The following FOXN3 variants were observed in gnomAD, a reference collection of about 807,000 sequenced individuals.
FOXN3 encodes forkhead box N3, also known as forkhead box protein N3.
FOXN3 carries 7 observed loss-of-function variants against 38.4 expected under a neutral mutation model. That is an observed-to-expected ratio of 0.18 (90% confidence interval 0.10 to 0.34). The LOEUF (loss-of-function observed/expected upper bound fraction) is 0.34, where lower values mean the gene tolerates loss of function less well. Ranked by LOEUF, FOXN3 falls within the 10% of genes least tolerant of loss-of-function variation. The pLI is 1.00. For missense variants in FOXN3, 456 were observed against 613.4 expected, an observed-to-expected ratio of 0.74 and a Z score of 2.71; for synonymous variants, 230 against 242.2, an observed-to-expected ratio of 0.95 and a Z score of 0.47.
intron 4 of FOXN3, among the ~76,000 whole-genome samples, chr14:89,248,022 A>G (rs1489097840): frequency 2.0e-5 from 3 of 152,138 alleles, no homozygotes; most frequent in East Asian, 1.9e-4. Flanking sequence ...TTTGGAATCG[A>G]TATCAATTCT....
Position 89,324,443 on chromosome 14 carries a change from C to CGTGTGT in FOXN3, c.680+26223_680+26228dup, listed in dbSNP as rs71130053. On this transcript the variant is annotated intron_variant, in intron 3 of 5. Transcript: ENST00000557258. The stretch of plus-strand genomic sequence containing the variant: ...TTGGTTTGAAACAGCTAAGTGTGTG[C>CGTGTGT]GTGTGTGTGTGTGTGTGTGTGTGTG... Among the ~76,000 whole-genome samples, 792 of 143,474 alleles carry CGTGTGT rather than the reference C, an allele frequency of 5.5e-3. 8 individuals carry two copies. Among genetic ancestry groups the CGTGTGT allele is most frequent in the East Asian group, 0.022 (106 of 4,796 alleles). 94.1% of individuals were successfully genotyped at this position (143,474 alleles called of 152,430 possible).
Position 89,162,609 on chromosome 14 carries a change from C to T in FOXN3, c.1212G>A (p.Lys404=), listed in dbSNP as rs754344725. 3.1e-6 allele frequency: 5 copies of T among 1,614,018 alleles called. No individual in the cohort carries two copies. The Admixed American group carries it at 6.7e-5, about 22-fold the overall frequency. ...GTGTGTCGCTGGGGACCTTCCTGGCCTTGGCGAAGTGCTGGCGCTTCTTGT... is the reference window on the plus strand; with the variant it reads ...GTGTGTCGCTGGGGACCTTCCTGGCTTTGGCGAAGTGCTGGCGCTTCTTGT... The part of the protein sequence containing the change: ...SQHKKRQHFA[K]ARKVPSDTLP... The change falls in exon 6 of 6, where the codon AAG becomes AAA. Residue 404 remains lysine, a synonymous_variant. Transcript: ENST00000557258. This position sits in a 1 kb window ranked among gnomAD's most constrained non-coding sequence, Gnocchi z 7.2.
intron 2 of FOXN3, among the ~76,000 whole-genome samples, chr14:89,351,636 G>A (rs374059119): frequency 4.6e-5 from 7 of 152,318 alleles, no homozygotes; most frequent in African/African-American, 1.2e-4. Flanking sequence ...GCAGCAGGCC[G>A]ACGGGCAATC....
chr14:89,511,194 CTTTCTTTCTTTTCTTT>C (rs1566681016), intron 1 of FOXN3, among the ~76,000 whole-genome samples: 1 of 12,632 alleles, frequency 7.9e-5, no homozygotes, highest in Non-Finnish European at 4.3e-4. Flanking sequence ...TCTTTCTTTT[CTTTCTTTCTTTTCTTT>C]CTTTCTTTCT....
In FOXN3 at chr14:89,528,410, G is replaced by GCAAAAAAAAAAAAAAAA. The variant is rs1894478634; in HGVS notation, c.-15+90617_-15+90618insTTTTTTTTTTTTTTTTG. On this transcript the variant is annotated intron_variant, in intron 1 of 6. Transcript: ENST00000345097. ...TTTTTTTTTTTTTTTTTTTTTTTTT[G>GCAAAAAAAAAAAAAAAA]AAAAAGAAAGAGTTTTGCTCTTGTT... Among the ~76,000 whole-genome samples, 4 of 31,488 alleles carry GCAAAAAAAAAAAAAAAA rather than the reference G, an allele frequency of 1.3e-4. No homozygotes were observed. In the Admixed American group the frequency reaches 1.6e-3, roughly 12 times the overall value. The allele number at this position is 31,488 out of a possible 152,430, so 20.7% of individuals were successfully genotyped here.
Position 89,450,577 on chromosome 14 carries a change from G to A in FOXN3, c.-14-38087C>T, listed in dbSNP as rs1032408468. On this transcript the variant is annotated intron_variant, in intron 1 of 6. Transcript: ENST00000345097. Reference sequence around the variant, plus strand: ...CAGCTCAGAAAAAAATAACATTCTCGACTTCATCTTTCCTTTTTTTTTTTT... The same window carrying A: ...CAGCTCAGAAAAAAATAACATTCTCAACTTCATCTTTCCTTTTTTTTTTTT... 2.8e-5 allele frequency among the ~76,000 whole-genome samples: 4 copies of A among 144,134 alleles called. No homozygotes were observed. The South Asian group carries it at 8.9e-4, about 32-fold the overall frequency. The allele number at this position is 144,134 out of a possible 152,430, so 94.6% of individuals were successfully genotyped here.
intron 1 of FOXN3, among the ~76,000 whole-genome samples, chr14:89,482,329 G>C (rs969114686): frequency 5.9e-5 from 9 of 152,214 alleles, no homozygotes; most frequent in Admixed American, 3.9e-4. Context: ...GCACTGAAGA[G>C]TGTGTGTGCA....
In FOXN3 at chr14:89,158,861, T is replaced by C; in HGVS notation, c.*3553A>G. On this transcript the variant is annotated 3_prime_UTR_variant, in exon 6 of 6. Coordinates refer to ENST00000557258, the MANE Select transcript of FOXN3 (RefSeq NM_005197.4). ...TTTAAATATTGCTATAGTTCCCCGT[T>C]TCCCCCTCCCCCCTGCCCCGTGTGA... is the stretch of plus-strand genomic sequence containing the variant. 1 of 152,452 alleles carries C rather than the reference T, an allele frequency of 6.6e-6. No individual in the cohort carries two copies. The highest frequency in any genetic ancestry group is 3.2e-3 in the Middle Eastern group (1 of 316). 9.4% of individuals were successfully genotyped at this position (152,452 alleles called of 1,614,324 possible).
At chr14:89,433,673 A>C (rs1034061317) in intron 1 of FOXN3, among the ~76,000 whole-genome samples, 24 of 151,384 alleles carry the variant, frequency 1.6e-4, no homozygotes, top group Non-Finnish European at 3.2e-4. Context: ...GCGTGGTGGC[A>C]GGCGCCTGTA....
At chr14:89,286,983 G>A (rs143204478) in intron 3 of FOXN3, among the ~76,000 whole-genome samples, 2,025 of 152,220 alleles carry the variant, frequency 0.013, 48 homozygotes, top group African/African-American at 0.046. Flanking sequence ...TGGAGAGACC[G>A]TGGGATTTGG....
intron 4 of FOXN3, among the ~76,000 whole-genome samples, chr14:89,258,561 C>A (rs376010513): frequency 1.3e-5 from 2 of 152,214 alleles, no homozygotes; most frequent in Admixed American, 1.3e-4. Flanking sequence ...CCACCTGGAC[C>A]ACCTACATCT....
At chr14:89,216,441 C>A (rs1222247938) in intron 4 of FOXN3, among the ~76,000 whole-genome samples, 1 of 152,148 alleles carries the variant, frequency 6.6e-6, no homozygotes, top group East Asian at 1.9e-4. Context: ...AAGCCACTCT[C>A]CCACAACCTA....
rs556107052 is a variant in FOXN3, at chr14:89,239,282, T to C, written c.745+41668A>G. On this transcript the variant is annotated intron_variant, in intron 4 of 5. Coordinates refer to ENST00000557258, the MANE Select transcript of FOXN3 (RefSeq NM_005197.4). The stretch of plus-strand genomic sequence containing the variant: ...TCCCATCTCTTCTTTGGAAGTCTTA[T>C]TTCAGCCATCCATCTTCCTTTGTTA... Among the ~76,000 whole-genome samples, 28 of 152,338 alleles carry C rather than the reference T, an allele frequency of 1.8e-4. No homozygotes were observed. In the East Asian group the frequency reaches 5.2e-3, roughly 28 times the overall value.
intron 4 of FOXN3, among the ~76,000 whole-genome samples, chr14:89,233,502 A>G (rs1053406464): frequency 2.0e-5 from 3 of 152,238 alleles, no homozygotes; most frequent in Non-Finnish European, 4.4e-5. Flanking sequence ...CTAAGTATCT[A>G]TGAATTTTTA....
At chr14:89,235,793 C>T (rs373652998) in intron 4 of FOXN3, among the ~76,000 whole-genome samples, 3 of 140,246 alleles carry the variant, frequency 2.1e-5, no homozygotes, top group African/African-American at 9.9e-5. Context: ...GGCCACAAGT[C>T]GAGGAATGCA....
At chr14:89,396,832 CAA>C (rs11307508) in intron 2 of FOXN3, among the ~76,000 whole-genome samples, 59 of 96,918 alleles carry the variant, frequency 6.1e-4, no homozygotes, top group South Asian at 1.4e-3. Flanking sequence ...AACTCCATCT[CAA>C]AAAAAAAAAA....
At chr14:89,459,971 AGCT>A (rs1258417208) in intron 1 of FOXN3, among the ~76,000 whole-genome samples, 1 of 152,200 alleles carries the variant, frequency 6.6e-6, no homozygotes. Context: ...TCTGCCCGAC[AGCT>A]GCTAAGGAAT....
intron 1 of FOXN3, among the ~76,000 whole-genome samples, chr14:89,425,028 C>G (rs1891991946): frequency 7.1e-6 from 1 of 141,176 alleles, no homozygotes; most frequent in Non-Finnish European, 1.6e-5. Context: ...GTACAGCTGA[C>G]TTTTTTTTGT....
intron 1 of FOXN3, among the ~76,000 whole-genome samples, chr14:89,546,766 C>G (rs1306903106): frequency 6.6e-6 from 1 of 151,946 alleles, no homozygotes; most frequent in Non-Finnish European, 1.5e-5. Flanking sequence ...TACGCATACA[C>G]ATACACACAT....
Sources: allele counts gnomAD v4.1 joint callset (sites outside exome capture counted in the v4.1 genomes callset), GRCh38; gene constraint gnomAD v4.1.1; non-coding constraint Gnocchi (gnomAD v3.1); transcripts MANE v1.5; gene names NCBI Gene and HGNC (gene_info 2026-07-23, HGNC 2026-07-21).